CACNA1C: variants seen among roughly 807,000 people sequenced by gnomAD.
CACNA1C encodes voltage-dependent L-type calcium channel subunit alpha-1C.
In CACNA1C, 30 loss-of-function variants were observed where a neutral mutation model predicts 229.0. The ratio of observed to expected loss-of-function variants is 0.13; its 90% CI spans 0.10 to 0.18. The LOEUF is 0.18. Among genes scored for constraint, CACNA1C ranks in the 10% least tolerant of loss-of-function variants. The pLI, the probability that CACNA1C is intolerant of heterozygous loss-of-function variation, is 1.00. For synonymous variants in CACNA1C, 1,114 were observed against 1,132.5 expected, an observed-to-expected ratio of 0.98 and a Z score of 0.33; for missense variants, 1,658 against 2,845.0, an observed-to-expected ratio of 0.58 and a Z score of 9.49.
chr12:2,503,962 A>G (rs756707859), intron 7 of CACNA1C, among the ~76,000 whole-genome samples: 3 of 152,184 alleles, frequency 2.0e-5, no homozygotes, highest in Non-Finnish European at 4.4e-5. Flanking sequence ...CTTCTGAGGA[A>G]GGTTATCTTT....
Position 1,973,222 on chromosome 12 carries a change from G to A in CACNA1C, c.139+2021G>A, listed in dbSNP as rs2033102063. Among the ~76,000 whole-genome samples, 3 of 152,086 alleles carry A rather than the reference G, an allele frequency of 2.0e-5. No individual in the cohort carries two copies. The South Asian group carries it at 6.2e-4, about 32-fold the overall frequency. On this transcript the variant is annotated intron_variant, in intron 1 of 46. Transcript: ENST00000682462. ...GGTCTGCTTCTTTTCATATGACATGGTTTTACTGCACCTCACAAATCAGCG... is the reference window on the plus strand; with the variant it reads ...GGTCTGCTTCTTTTCATATGACATGATTTTACTGCACCTCACAAATCAGCG...
Position 2,285,132 on chromosome 12 carries a change from C to G in CACNA1C, c.478-163844C>G. On this transcript the variant is annotated intron_variant, in intron 3 of 46. Coordinates refer to ENST00000399655, the MANE Select transcript of CACNA1C (RefSeq NM_000719.7). The surrounding 1 kb of genome is among the most constrained non-coding windows in gnomAD (Gnocchi z 4.2). ...GCCTGTCACTCACACCTTGCTCCCT[C>G]TGTAGAAACACTCTGTTTCTCTCCA... Among the ~76,000 whole-genome samples the G allele has an allele frequency of 6.6e-6, 1 of 152,214 alleles. No homozygotes were observed. The highest frequency in any genetic ancestry group is 1.5e-5 in the Non-Finnish European group (1 of 68,028).
In CACNA1C at chr12:2,277,402, C is replaced by G. The variant is rs2089166183; in HGVS notation, c.477+156972C>G. On this transcript the variant is annotated intron_variant, in intron 3 of 46. Coordinates refer to ENST00000399655, the MANE Select transcript of CACNA1C (RefSeq NM_000719.7). Reference sequence around the variant, plus strand: ...ACACACACACACACACACACACACACACACACACACACACACACACACACA... The same window carrying G: ...ACACACACACACACACACACACACAGACACACACACACACACACACACACA... Among the ~76,000 whole-genome samples, 4 of 142,336 alleles carry G rather than the reference C, an allele frequency of 2.8e-5. No individual in the cohort carries two copies. In the Admixed American group the frequency reaches 2.8e-4, roughly 10 times the overall value. The allele number at this position is 142,336 out of a possible 152,430, so 93.4% of individuals were successfully genotyped here. A position where few individuals can be genotyped will look rare whatever the true frequency, so the allele number is the denominator to read the frequency against.
At chr12:2,634,104 A>G (rs2091808492) in intron 29 of CACNA1C, among the ~76,000 whole-genome samples, 193 bp from the exon 30 acceptor site, 1 of 152,044 alleles carries the variant, frequency 6.6e-6, no homozygotes, top group African/African-American at 2.4e-5. Context: ...TTGAGCTGCC[A>G]GAACTGTAGA....
chr12:2,499,935 C>T (rs1339567179), intron 7 of CACNA1C, among the ~76,000 whole-genome samples: 1 of 152,176 alleles, frequency 6.6e-6, no homozygotes, highest in Admixed American at 6.5e-5. Flanking sequence ...GCTCTCTACT[C>T]AGCTGTCCCC....
chr12:2,546,125 G>A (rs2099880456), intron 9 of CACNA1C, among the ~76,000 whole-genome samples: 1 of 151,902 alleles, frequency 6.6e-6, no homozygotes, highest in Non-Finnish European at 1.5e-5. Flanking sequence ...AGTGGCTTGT[G>A]TCTTCACACT....
chr12:2,334,993 C>T (rs927779892), intron 3 of CACNA1C, among the ~76,000 whole-genome samples: 2 of 152,202 alleles, frequency 1.3e-5, no homozygotes, highest in Admixed American at 1.3e-4. Flanking sequence ...TATCCAATGG[C>T]CCCAGGCTGA....
intron 43 of CACNA1C, among the ~76,000 whole-genome samples, chr12:2,684,171 G>C (rs1422174080): frequency 6.6e-6 from 1 of 152,212 alleles, no homozygotes; most frequent in Non-Finnish European, 1.5e-5. Context: ...TGGATGGGAA[G>C]AGTAGCAGAA....
intron 8 of CACNA1C, among the ~76,000 whole-genome samples, chr12:2,509,582 C>T (rs1437871642): frequency 6.6e-6 from 1 of 152,174 alleles, no homozygotes; most frequent in African/African-American, 2.4e-5. Flanking sequence ...CACCGTAACT[C>T]GCACCTGCGT....
intron 3 of CACNA1C, among the ~76,000 whole-genome samples, chr12:2,269,356 T>C (rs1480402153): frequency 1.3e-5 from 2 of 152,186 alleles, no homozygotes; most frequent in Admixed American, 1.3e-4. Flanking sequence ...CAATGAACTT[T>C]GAGACTGTCT....
chr12:2,313,978 G>T (rs554523715), intron 3 of CACNA1C, among the ~76,000 whole-genome samples: 1 of 152,344 alleles, frequency 6.6e-6, no homozygotes, highest in African/African-American at 2.4e-5. Context: ...TCAACAGCCT[G>T]CCTGCTGCTG....
chr12:2,478,517 G>T (rs1231222046), intron 5 of CACNA1C, among the ~76,000 whole-genome samples: 1 of 152,072 alleles, frequency 6.6e-6, no homozygotes, highest in African/African-American at 2.4e-5. Flanking sequence ...TACCCTAAAG[G>T]GTCCCACTGA....
At position 2,678,980 on chromosome 12, in the gene CACNA1C, T is replaced by C. The variant is rs1281871468; in HGVS notation, c.5092-464T>C. Among the ~76,000 whole-genome samples the C allele has an allele frequency of 6.6e-6, 1 of 152,206 alleles. No individual in the cohort carries two copies. The highest frequency in any genetic ancestry group is 1.5e-5 in the Non-Finnish European group (1 of 68,038). ...ACCGTTTGGCCAACCAGCTTTTAGC[T>C]CTGTGAGCACACTGGGTTTCCATTT... On this transcript the variant is annotated intron_variant, in intron 41 of 46. Transcript: ENST00000399655. This position sits in a 1 kb window ranked among gnomAD's most constrained non-coding sequence, Gnocchi z 4.1.
intron 3 of CACNA1C, among the ~76,000 whole-genome samples, chr12:2,151,865 A>G (rs1208537528): frequency 1.3e-5 from 2 of 152,210 alleles, no homozygotes; most frequent in African/African-American, 4.8e-5. Flanking sequence ...GGCAGAGGCC[A>G]TTTCAATAGC....
rs776280284 is a variant in CACNA1C, at chr12:2,115,432, T to C, written c.258T>C (p.Tyr86=). 28 of 1,613,058 alleles carry C rather than the reference T, an allele frequency of 1.7e-5. No individual in the cohort carries two copies. In the South Asian group the frequency reaches 3.1e-4, roughly 18 times the overall value. Residue 86 remains tyrosine, a synonymous_variant, in exon 2 of 47, where the codon TAT becomes TAC. Coordinates refer to ENST00000399655, the MANE Select transcript of CACNA1C (RefSeq NM_000719.7). The stretch of plus-strand genomic sequence containing the variant: ...CCACGCAGCGGAAGCGGCAGCAATA[T>C]GGGAAACCCAAGAAGCAGGGCAGCA... ...VSSTQRKRQQ[Y]GKPKKQGSTT...
intron 46 of CACNA1C, 21 bp downstream of exon 46, chr12:2,688,800 CA>C (rs770292955): frequency 3.4e-6 from 5 of 1,477,166 alleles, no homozygotes; most frequent in African/African-American, 1.4e-5. Flanking sequence ...CGCAGATGGG[CA>C]GGGGGGAGAG....
rs1255402590 is a variant in CACNA1C at position 2,037,949 on chromosome 12, T to C, written c.139+66748T>C. On this transcript the variant is annotated intron_variant, in intron 1 of 46. Transcript: ENST00000682462. The stretch of plus-strand genomic sequence containing the variant: ...AGTCCTTCTTGGTGGATTTCGAGTG[T>C]ATTGTTCTAGGCAACGTTGTAAAGC... Among the ~76,000 whole-genome samples, 3 of 152,290 alleles carry C rather than the reference T, an allele frequency of 2.0e-5. No homozygotes were observed. In the East Asian group the frequency reaches 5.8e-4, roughly 29 times the overall value.
At chr12:2,690,463 A>G (rs1327842345) in intron 46 of CACNA1C, among the ~76,000 whole-genome samples, 1 of 152,148 alleles carries the variant, frequency 6.6e-6, no homozygotes, top group Non-Finnish European at 1.5e-5. Flanking sequence ...TGGCCTTGCT[A>G]AGATCACAGG....
chr12:2,424,611 G>A (rs1451655189), intron 3 of CACNA1C, among the ~76,000 whole-genome samples: 1 of 152,174 alleles, frequency 6.6e-6, no homozygotes, highest in Non-Finnish European at 1.5e-5. Context: ...TGAGTGCTTG[G>A]GCTATGCTGA....
Sources: allele counts gnomAD v4.1 joint callset (sites outside exome capture counted in the v4.1 genomes callset), GRCh38; gene constraint gnomAD v4.1.1; non-coding constraint Gnocchi (gnomAD v3.1); transcripts MANE v1.5; gene names NCBI Gene and HGNC (gene_info 2026-07-23, HGNC 2026-07-21).